Variants in KAZN observed in about 807,000 individuals in gnomAD.
The protein encoded by KAZN is kazrin.
Under a neutral mutation model 87.4 loss-of-function variants are expected in KAZN, and 40 were observed. The ratio of observed to expected loss-of-function variants is 0.46; its 90% CI spans 0.36 to 0.60. The LOEUF is 0.60. Ranked by LOEUF, KAZN falls within the 20% of genes least tolerant of loss-of-function variation. The probability of loss-of-function intolerance (pLI) is 0.00; values close to 1 mark genes in which losing one functional copy is unlikely to be tolerated. For synonymous variants in KAZN, 466 were observed against 458.3 expected (o/e 1.02, Z -0.22); for missense variants, 898 against 1,073.9 (o/e 0.84, Z 2.29).
chr1:14,197,353 T>C (rs1646547366), intron 2 of KAZN, among the ~76,000 whole-genome samples: 3 of 142,392 alleles, frequency 2.1e-5, no homozygotes, highest in Admixed American at 7.2e-5. Context: ...AAGAACCAAT[T>C]AGAGATCTTT....
intron 2 of KAZN, among the ~76,000 whole-genome samples, chr1:14,341,508 T>C (rs553061122): frequency 1.3e-5 from 2 of 152,300 alleles, no homozygotes; most frequent in East Asian, 3.9e-4. Context: ...TTCCTTCACT[T>C]CTGTCTGGCC....
At chr1:13,959,087 G>A (rs1369224080) in intron 1 of KAZN, among the ~76,000 whole-genome samples, 1 of 152,172 alleles carries the variant, frequency 6.6e-6, no homozygotes, top group East Asian at 1.9e-4. Flanking sequence ...CCATGTCCAG[G>A]TGATTGCAGG....
intron 1 of KAZN, among the ~76,000 whole-genome samples, chr1:14,089,923 A>G (rs1178043703): frequency 1.3e-5 from 2 of 152,174 alleles, no homozygotes. Flanking sequence ...TGTATTTTAA[A>G]GAAATCACTC....
intron 2 of KAZN, among the ~76,000 whole-genome samples, chr1:14,275,769 T>C (rs893715711): frequency 1.3e-5 from 2 of 152,200 alleles, no homozygotes; most frequent in African/African-American, 2.4e-5. Context: ...CTTGAATATT[T>C]AACTGATGCA....
chr1:14,528,626 G>A (rs566414369), intron 2 of KAZN, among the ~76,000 whole-genome samples: 1 of 151,684 alleles, frequency 6.6e-6, no homozygotes, highest in South Asian at 2.1e-4. Context: ...GCACATGCCT[G>A]TAGTCCCAGC....
intron 2 of KAZN, among the ~76,000 whole-genome samples, chr1:14,313,899 T>C (rs182639895): frequency 4.8e-4 from 73 of 151,520 alleles, no homozygotes; most frequent in African/African-American, 1.7e-3. Flanking sequence ...ATCATAAATG[T>C]AGGAAAAAAA....
chr1:14,485,034 G>GT (rs1348473635), intron 2 of KAZN, among the ~76,000 whole-genome samples: 1 of 152,100 alleles, frequency 6.6e-6, no homozygotes, highest in African/African-American at 2.4e-5. Flanking sequence ...ATTGCAAAGG[G>GT]TTTAGATTCA....
chr1:14,946,914 A>G lies in KAZN; in HGVS notation c.227-13770A>G, dbSNP rs553489270. On this transcript the variant is annotated intron_variant, in intron 1 of 14. Transcript: ENST00000376030. ...TGATTGTCTATAATATGGAAATAGA[A>G]ATGCCTGTTCTTTCCCCTAGTCTTC... 3.9e-5 allele frequency among the ~76,000 whole-genome samples: 6 copies of G among 152,300 alleles called. No homozygotes were observed. The East Asian group carries it at 1.2e-3, about 29-fold the overall frequency.
chr1:13,920,435 G>A lies in KAZN; in HGVS notation c.91+26679G>A, dbSNP rs553224836. On this transcript the variant is annotated intron_variant, in intron 1 of 16. Coordinates refer to the KAZN transcript ENST00000636203. ...GGTATCAGGTTTACTATTCAAGAGTGTAAGTCCTCCAGCTTTGCTTCGAAT... is the reference window on the plus strand; with the variant it reads ...GGTATCAGGTTTACTATTCAAGAGTATAAGTCCTCCAGCTTTGCTTCGAAT... Among the ~76,000 whole-genome samples, 9 of 152,258 alleles carry A rather than the reference G, an allele frequency of 5.9e-5. No homozygotes were observed. The South Asian group carries it at 1.7e-3, about 28-fold the overall frequency.
intron 1 of KAZN, among the ~76,000 whole-genome samples, chr1:13,985,364 T>C (rs1289131321): frequency 1.3e-5 from 2 of 151,784 alleles, no homozygotes; most frequent in Non-Finnish European, 2.9e-5. Flanking sequence ...CACCATGGAA[T>C]ACTATGCAGC....
At chr1:13,985,439 A>C (rs897904154) in intron 1 of KAZN, among the ~76,000 whole-genome samples, 1 of 150,826 alleles carries the variant, frequency 6.6e-6, no homozygotes, top group African/African-American at 2.4e-5. Flanking sequence ...CATCATTCTC[A>C]GTAAACTATC....
chr1:14,968,858 G>A (rs1266135172), intron 2 of KAZN, among the ~76,000 whole-genome samples: 1 of 152,186 alleles, frequency 6.6e-6, no homozygotes, highest in Admixed American at 6.5e-5. Flanking sequence ...GATGCCTGTG[G>A]TTCAGAGCAT....
At chr1:14,976,144 A>G (rs1285219862) in intron 2 of KAZN, among the ~76,000 whole-genome samples, 1 of 148,088 alleles carries the variant, frequency 6.8e-6, no homozygotes, top group Non-Finnish European at 1.5e-5. Context: ...TTGGTTTTGG[A>G]CGTGGCTAAC....
At chr1:15,068,168 T>C (rs1354425438) in intron 8 of KAZN, 6 of 846,186 alleles carry the variant, frequency 7.1e-6, no homozygotes, top group Non-Finnish European at 8.5e-6. Context: ...TTCTATGTTA[T>C]TTGATTGCTT....
At chr1:14,822,353 G>GAGGGAGAAAGT (rs57798276) in intron 1 of KAZN, among the ~76,000 whole-genome samples, 107,037 of 151,660 alleles carry the variant, frequency 0.71, 37,964 homozygotes, top group East Asian at 0.79. Flanking sequence ...ACAAAAGCAG[G>GAGGGAGAAAGT]AGGGAGAAAA....
At chr1:14,372,677 T>C (rs1442466119) in intron 2 of KAZN, among the ~76,000 whole-genome samples, 1 of 152,212 alleles carries the variant, frequency 6.6e-6, no homozygotes, top group African/African-American at 2.4e-5. Flanking sequence ...GATGATTCTG[T>C]ATTGAGTTTT....
At chr1:14,612,939 C>A (rs909132801) in intron 1 of KAZN, among the ~76,000 whole-genome samples, 2 of 152,144 alleles carry the variant, frequency 1.3e-5, no homozygotes, top group Admixed American at 1.3e-4. Flanking sequence ...ACTATGAATT[C>A]TCTCCCCTTT....
intron 1 of KAZN, among the ~76,000 whole-genome samples, chr1:14,097,103 A>AG (rs1164264437): frequency 6.6e-6 from 1 of 151,960 alleles, no homozygotes; most frequent in Non-Finnish European, 1.5e-5. Flanking sequence ...AGATCCTGCT[A>AG]GGGGGGCAAG....
chr1:13,930,072 C>A (rs576180238), intron 1 of KAZN, among the ~76,000 whole-genome samples: 1 of 152,292 alleles, frequency 6.6e-6, no homozygotes, highest in East Asian at 1.9e-4. Flanking sequence ...TATTATATAG[C>A]CACACTGTTT....
Sources: gnomAD v4.1 joint callset for allele counts (sites outside exome capture counted in the v4.1 genomes callset) on GRCh38, gnomAD v4.1.1 for gene constraint, MANE v1.5 for transcripts, NCBI Gene and HGNC (gene_info 2026-07-23, HGNC 2026-07-21) for gene names.